IMPA2: variants seen among roughly 807,000 people sequenced by gnomAD.
IMPA2 encodes the protein inositol monophosphatase 2, also known as IMP 2.
In IMPA2, 32 loss-of-function variants were observed where a neutral mutation model predicts 35.1. That is an observed-to-expected ratio of 0.91 (90% CI 0.69 to 1.23). The LOEUF is 1.23. Ranked by LOEUF, IMPA2 falls within the 50% of genes most tolerant of loss-of-function variation. The pLI, the probability that IMPA2 is intolerant of heterozygous loss-of-function variation, is 0.00. For missense variants in IMPA2, 334 were observed against 387.6 expected, an observed-to-expected ratio of 0.86 and a Z score of 1.16; for synonymous variants, 135 against 160.6, an observed-to-expected ratio of 0.84 and a Z score of 1.20.
chr18:12,015,931 G>C (rs1419151022), intron 5 of IMPA2, among the ~76,000 whole-genome samples: 1 of 152,150 alleles, frequency 6.6e-6, no homozygotes, highest in East Asian at 1.9e-4. Context: ...GCTCAGTCAG[G>C]CTGCAACTCT....
intron 5 of IMPA2, among the ~76,000 whole-genome samples, chr18:12,015,213 C>T (rs1459975855): frequency 6.6e-6 from 1 of 152,166 alleles, no homozygotes; most frequent in Non-Finnish European, 1.5e-5. Context: ...GTGTCTCTGG[C>T]GTGGACATCA....
At chr18:12,024,009 A>G (rs1356627291) in intron 5 of IMPA2, among the ~76,000 whole-genome samples, 1 of 152,254 alleles carries the variant, frequency 6.6e-6, no homozygotes, top group Admixed American at 6.5e-5. Flanking sequence ...CTCGAAAAAA[A>G]TCAGTATGAC....
At position 11,997,868 on chromosome 18, in the gene IMPA2, C is replaced by T. The variant is rs1239679642; in HGVS notation, c.97-1186C>T. 3.3e-5 allele frequency among the ~76,000 whole-genome samples: 5 copies of T among 152,334 alleles called. No homozygotes were observed. In the South Asian group the frequency reaches 6.2e-4, roughly 19 times the overall value. On this transcript the variant is annotated intron_variant, in intron 1 of 7. Coordinates refer to ENST00000269159, the MANE Select transcript of IMPA2 (RefSeq NM_014214.3). ...TGAGGGAGACACCAAGTTGTTAAGA[C>T]AGACAGAAATGGGCAAGAGCTGGGC...
intron 1 of IMPA2, among the ~76,000 whole-genome samples, chr18:11,982,236 C>T (rs1206295465): frequency 6.6e-6 from 1 of 152,198 alleles, no homozygotes; most frequent in Admixed American, 6.5e-5. Flanking sequence ...TGGCTCAGCT[C>T]CGCGACGGCC....
intron 5 of IMPA2, among the ~76,000 whole-genome samples, chr18:12,023,964 C>T (rs985095910): frequency 2.6e-5 from 4 of 152,190 alleles, no homozygotes; most frequent in South Asian, 2.1e-4. Flanking sequence ...ATATGCACAC[C>T]GTTTGATTCA....
intron 5 of IMPA2, chr18:12,018,270 A>G (rs1907636899): frequency 6.6e-6 from 1 of 152,414 alleles, no homozygotes; most frequent in Non-Finnish European, 1.5e-5. Flanking sequence ...AAATAAAAAG[A>G]TAACCTTTGC....
In IMPA2 at chr18:11,981,549, GGCACAGAGCT is replaced by G; in HGVS notation, c.-118_-109del. 1 of 611,986 alleles carries G rather than the reference GGCACAGAGCT, an allele frequency of 1.6e-6. No homozygotes were observed. The highest frequency in any genetic ancestry group is 2.4e-6 in the Non-Finnish European group (1 of 423,964). The allele number at this position is 611,986 out of a possible 1,614,324, so 37.9% of individuals were successfully genotyped here. ...CAGGTGTGGGACGGGCGGCGGACTA[GGCACAGAGCT>G]GCGGGAGCAGGCACAGGGAGTGTGG... On this transcript the variant is annotated 5_prime_UTR_variant, in exon 1 of 8. Coordinates refer to ENST00000269159, the MANE Select transcript of IMPA2 (RefSeq NM_014214.3).
chr18:11,992,110 G>A (rs1444561598), intron 1 of IMPA2, among the ~76,000 whole-genome samples: 1 of 152,228 alleles, frequency 6.6e-6, no homozygotes, highest in African/African-American at 2.4e-5. Context: ...TCCCAGTGCT[G>A]GGATTACAGG....
intron 4 of IMPA2, among the ~76,000 whole-genome samples, chr18:12,013,722 T>C (rs1907496188): frequency 6.6e-6 from 1 of 152,190 alleles, no homozygotes; most frequent in Admixed American, 6.5e-5. Context: ...CTTTGTTCCC[T>C]GATGTGGGGC....
chr18:12,030,339 C>T lies in IMPA2; in HGVS notation c.752-4C>T. 2 of 1,613,264 alleles carry T rather than the reference C, an allele frequency of 1.2e-6. No individual in the cohort carries two copies. The highest frequency in any genetic ancestry group is 1.7e-6 in the Non-Finnish European group (2 of 1,179,152). ...GATGCCTGGCTCTCTCTGTCTGTCCCCAGGTGGACCCCTCGACCTCATGGC... is the reference window on the plus strand; with the variant it reads ...GATGCCTGGCTCTCTCTGTCTGTCCTCAGGTGGACCCCTCGACCTCATGGC... On this transcript the variant is annotated splice_polypyrimidine_tract_variant and splice_region_variant and intron_variant, in intron 7 of 7. Transcript: ENST00000269159.
chr18:11,994,055 A>G (rs1906888655), intron 1 of IMPA2: 2 of 152,264 alleles, frequency 1.3e-5, no homozygotes, highest in Non-Finnish European at 2.9e-5. Context: ...AAATATTAAT[A>G]AAAGCAGAAA....
chr18:12,002,749 G>A (rs769717557), intron 2 of IMPA2, among the ~76,000 whole-genome samples: 40 of 130,836 alleles, frequency 3.1e-4, no homozygotes, highest in Non-Finnish European at 5.0e-4. Flanking sequence ...GGGTGACAGA[G>A]CAAGACCTTG....
At chr18:12,015,435 C>T (rs571591781) in intron 5 of IMPA2, among the ~76,000 whole-genome samples, 1 of 152,378 alleles carries the variant, frequency 6.6e-6, no homozygotes, top group East Asian at 1.9e-4. Context: ...GCGAGAGGAG[C>T]TATGGCCATG....
At chr18:12,027,046 G>T (rs1382709637) in intron 5 of IMPA2, among the ~76,000 whole-genome samples, 1 of 152,256 alleles carries the variant, frequency 6.6e-6, no homozygotes, top group Non-Finnish European at 1.5e-5. Context: ...TTTGAAAGTG[G>T]TGACACAGAA....
intron 2 of IMPA2, among the ~76,000 whole-genome samples, chr18:12,000,334 C>CTTTTTT (rs533943091): frequency 9.0e-6 from 1 of 111,266 alleles, no homozygotes; most frequent in Non-Finnish European, 1.9e-5. Flanking sequence ...CCACCTGGCT[C>CTTTTTT]TTTTTTTTTT....
Position 11,999,204 on chromosome 18 carries a change from G to GAA in IMPA2, c.230+17_230+18insAA. On this transcript the variant is annotated intron_variant, in intron 2 of 7. Coordinates refer to ENST00000269159, the MANE Select transcript of IMPA2 (RefSeq NM_014214.3). ...TTCACACAGGTAGGTGTACTCCTCTGGGAAACACCCCCAGTAACCCTGGCC... is the reference window on the plus strand; with the variant it reads ...TTCACACAGGTAGGTGTACTCCTCTGAAGGAAACACCCCCAGTAACCCTGGCC... The GAA allele has an allele frequency of 5.6e-6, 9 of 1,609,896 alleles. No individual in the cohort carries two copies. Among genetic ancestry groups the GAA allele is most frequent in the Non-Finnish European group, 6.8e-6 (8 of 1,177,936 alleles).
intron 7 of IMPA2, 115 bp downstream of exon 7, chr18:12,029,108 GTTTTTTTTTTTT>G (rs1158665365): frequency 4.5e-5 from 12 of 267,312 alleles, no homozygotes; most frequent in African/African-American, 9.7e-5. Context: ...CAGAGTTTCT[GTTTTTTTTTTTT>G]TTTTTTTTTT....
intron 3 of IMPA2, among the ~76,000 whole-genome samples, chr18:12,011,718 G>A (rs1442181526): frequency 3.9e-5 from 6 of 152,240 alleles, no homozygotes; most frequent in African/African-American, 1.4e-4. Flanking sequence ...ACTCAGGCAG[G>A]GATGCTAGCA....
chr18:12,009,280 A>C (rs1156521711), intron 2 of IMPA2, among the ~76,000 whole-genome samples: 2 of 151,584 alleles, frequency 1.3e-5, no homozygotes. Flanking sequence ...ATCTCTTAAA[A>C]AACAACAACA....
Sources: allele counts gnomAD v4.1 joint callset (sites outside exome capture counted in the v4.1 genomes callset), GRCh38; gene constraint gnomAD v4.1.1; transcripts MANE v1.5; gene names NCBI Gene and HGNC (gene_info 2026-07-23, HGNC 2026-07-21).